The following NPIPB8 variants were observed in gnomAD, a reference collection of about 807,000 sequenced individuals.
NPIPB8 encodes nuclear pore complex-interacting protein family member B8.
Under a neutral mutation model 5.3 loss-of-function variants are expected in NPIPB8, and 3 were observed. The ratio of observed to expected loss-of-function variants is 0.57; its 90% CI spans 0.26 to 1.47. The LOEUF is 1.47. Among genes scored for constraint, NPIPB8 ranks in the 40% most tolerant of loss-of-function variants. The pLI, the probability that NPIPB8 is intolerant of heterozygous loss-of-function variation, is 0.13. For synonymous variants in NPIPB8, 18 were observed against 23.0 expected, an observed-to-expected ratio of 0.78 and a Z score of 0.62; for missense variants, 50 against 50.2, an observed-to-expected ratio of 1.00 and a Z score of 0.01.
At chr16:28,641,904 G>A (rs1180580905) in intron 2 of NPIPB8, among the ~76,000 whole-genome samples, 4 of 132,632 alleles carry the variant, frequency 3.0e-5, no homozygotes, top group African/African-American at 8.7e-5. Context: ...TGGGCTGCAC[G>A]AATAACCTCC....
chr16:28,638,072 G>A lies in NPIPB8; in HGVS notation c.-117G>A. The A allele has an allele frequency of 8.4e-6, 6 of 718,238 alleles. No individual in the cohort carries two copies. The highest frequency in any genetic ancestry group is 4.5e-4 in the Middle Eastern group (1 of 2,224). 44.5% of individuals were successfully genotyped at this position (718,238 alleles called of 1,614,324 possible). A position where few individuals can be genotyped will look rare whatever the true frequency, so the allele number is the denominator to read the frequency against. On this transcript the variant is annotated 5_prime_UTR_variant, in exon 1 of 8. Transcript: ENST00000683297. ...TTTAAATGACTTGGATGTTTTATAG[G>A]TATGATCTCATGAAACCTTGAGAGA...
intron 2 of NPIPB8, among the ~76,000 whole-genome samples, chr16:28,644,840 C>T (rs567773481): frequency 2.2e-5 from 2 of 92,402 alleles, no homozygotes; most frequent in Admixed American, 1.1e-4. Flanking sequence ...ACAAAAAATT[C>T]CAAAAAAGAT....
chr16:28,640,569 T>G (rs1283496227), intron 2 of NPIPB8, among the ~76,000 whole-genome samples: 1 of 152,060 alleles, frequency 6.6e-6, no homozygotes, highest in Non-Finnish European at 1.5e-5. Context: ...AAATACTTGG[T>G]GGACTCCATT....
chr16:28,641,828 C>T (rs940084629), intron 2 of NPIPB8, among the ~76,000 whole-genome samples: 29 of 131,262 alleles, frequency 2.2e-4, no homozygotes, highest in South Asian at 5.0e-4. Flanking sequence ...ATCTAAGGTG[C>T]CTGGCCATGC....
intron 2 of NPIPB8, among the ~76,000 whole-genome samples, chr16:28,639,603 G>GCGC: frequency 7.8e-6 from 1 of 128,594 alleles, no homozygotes; most frequent in Non-Finnish European, 1.7e-5. Flanking sequence ...CTACAGGTGT[G>GCGC]CACCATCATG....
rs931808344 is a variant in NPIPB8 at position 28,638,435 on chromosome 16, G to A, written c.75G>A (p.Gln25=). The A allele has an allele frequency of 1.9e-6, 3 of 1,573,084 alleles. No homozygotes were observed. Among genetic ancestry groups the A allele is most frequent in the Non-Finnish European group, 2.6e-6 (3 of 1,166,968 alleles). The stretch of plus-strand genomic sequence containing the variant: ...AGGGCCAGCTCACCAAGGAGCTGCA[G>A]CAGCATGTAAAGTCAGTGACATGCC... The part of the protein sequence containing the change: ...HDQGQLTKEL[Q]QHVKSVTCPC... The change falls in exon 2 of 8, where the codon CAG becomes CAA. Residue 25 remains glutamine (Q), a synonymous_variant. Coordinates refer to ENST00000683297, the MANE Select transcript of NPIPB8 (RefSeq NM_001310136.2).
intron 2 of NPIPB8, among the ~76,000 whole-genome samples, chr16:28,640,120 G>A (rs1342912266): frequency 6.6e-6 from 1 of 151,856 alleles, no homozygotes; most frequent in Admixed American, 6.6e-5. Flanking sequence ...ATAAGAGGCA[G>A]AGCTGGAACT....
chr16:28,642,421 A>G (rs1230979824), intron 2 of NPIPB8, among the ~76,000 whole-genome samples: 1 of 150,552 alleles, frequency 6.6e-6, no homozygotes, highest in Non-Finnish European at 1.5e-5. Flanking sequence ...GGGCCGGAAC[A>G]TGGCTGCAGC....
At chr16:28,640,866 T>C (rs908327665) in intron 2 of NPIPB8, among the ~76,000 whole-genome samples, 4 of 152,120 alleles carry the variant, frequency 2.6e-5, no homozygotes, top group East Asian at 3.9e-4. Flanking sequence ...CATATGATAG[T>C]TTTGAGGATG....
chr16:28,644,510 C>T (rs556559214), intron 2 of NPIPB8: 16 of 994,280 alleles, frequency 1.6e-5, no homozygotes, highest in South Asian at 1.2e-4. Context: ...GCCCATTCCC[C>T]GTCCCCTTCC....
chr16:28,638,560 T>G, intron 2 of NPIPB8, 80 bp downstream of exon 2: 1 of 1,446,114 alleles, frequency 6.9e-7, no homozygotes, highest in Non-Finnish European at 9.3e-7. Context: ...TCATAGCGGG[T>G]GATGCTGGGG....
At position 28,638,320 on chromosome 16, in the gene NPIPB8, T is replaced by C. The variant is rs374369524; in HGVS notation, c.-38-3T>C. ...CAAACTTTTTTTCTTAATTGTCTAATAGGTTGGCACTCATCATGAGCCCCT... is the reference window on the plus strand; with the variant it reads ...CAAACTTTTTTTCTTAATTGTCTAACAGGTTGGCACTCATCATGAGCCCCT... On this transcript the variant is annotated splice_region_variant and splice_polypyrimidine_tract_variant and intron_variant, in intron 1 of 7. Coordinates refer to ENST00000683297, the MANE Select transcript of NPIPB8 (RefSeq NM_001310136.2). The C allele has an allele frequency of 5.8e-5, 90 of 1,559,904 alleles. No individual in the cohort carries two copies. In the East Asian group the frequency reaches 1.4e-3, roughly 24 times the overall value.
chr16:28,644,629 G>A (rs746579059), intron 2 of NPIPB8: 15 of 1,504,250 alleles, frequency 1.0e-5, no homozygotes, highest in South Asian at 3.6e-5. Flanking sequence ...GCTCCTGCTG[G>A]GATTTATCAG....
chr16:28,651,754 G>A (rs1279835016), intron 3 of NPIPB8, among the ~76,000 whole-genome samples: 8 of 71,822 alleles, frequency 1.1e-4, no homozygotes, highest in African/African-American at 1.7e-4. Context: ...TCAGCCTCCC[G>A]AGTAGCTTGG....
chr16:28,644,675 G>T lies in NPIPB8; in HGVS notation c.121-3460G>T, dbSNP rs769727159. On this transcript the variant is annotated intron_variant, in intron 2 of 7. Transcript: ENST00000683297. ...ACCCCTGTGAGTAGACGCTGGACCC[G>T]CGGGGTTTCTTCCTTTTTACTGGGC... The T allele has an allele frequency of 1.4e-5, 19 of 1,374,240 alleles. No individual in the cohort carries two copies. In the African/African-American group the frequency reaches 1.6e-4, roughly 12 times the overall value. 85.1% of individuals were successfully genotyped at this position (1,374,240 alleles called of 1,614,324 possible). A position where few individuals can be genotyped will look rare whatever the true frequency, so the allele number is the denominator to read the frequency against.
intron 2 of NPIPB8, among the ~76,000 whole-genome samples, chr16:28,640,552 G>T (rs1204693608): frequency 6.6e-6 from 1 of 152,148 alleles, no homozygotes; most frequent in Non-Finnish European, 1.5e-5. Flanking sequence ...GCCCAGGAGA[G>T]AACCTGAAAT....
Position 28,638,322 on chromosome 16 carries a change from G to T in NPIPB8, c.-38-1G>T. 1.7e-5 allele frequency: 27 copies of T among 1,560,228 alleles called. No individual in the cohort carries two copies. Among genetic ancestry groups the T allele is most frequent in the Non-Finnish European group, 2.3e-5 (27 of 1,160,428 alleles). Reference sequence around the variant, plus strand: ...AACTTTTTTTCTTAATTGTCTAATAGGTTGGCACTCATCATGAGCCCCTGT... The same window carrying T: ...AACTTTTTTTCTTAATTGTCTAATATGTTGGCACTCATCATGAGCCCCTGT... On this transcript the variant is annotated splice_acceptor_variant, in intron 1 of 7. Coordinates refer to ENST00000683297, the MANE Select transcript of NPIPB8 (RefSeq NM_001310136.2). LOFTEE classifies it low-confidence loss of function (5UTR_SPLICE).
chr16:28,644,565 C>G lies in NPIPB8; in HGVS notation c.121-3570C>G, dbSNP rs558745325. ...ACCTCCACCTCTGTCCTGGACACCT[C>G]AGGGCGCCCTGAAAGGACCAGGACA... On this transcript the variant is annotated intron_variant, in intron 2 of 7. Coordinates refer to ENST00000683297, the MANE Select transcript of NPIPB8 (RefSeq NM_001310136.2). 1.7e-4 allele frequency: 260 copies of G among 1,519,832 alleles called. 11 individuals are homozygous for G. In the African/African-American group the frequency reaches 3.6e-3, roughly 21 times the overall value. The allele number at this position is 1,519,832 out of a possible 1,614,324, so 94.1% of individuals were successfully genotyped here.
chr16:28,642,430 G>A (rs540627967), intron 2 of NPIPB8, among the ~76,000 whole-genome samples: 32 of 151,642 alleles, frequency 2.1e-4, no homozygotes, highest in Non-Finnish European at 2.9e-5. Flanking sequence ...CATGGCTGCA[G>A]CATATAAAAA....
Sources: gnomAD v4.1 joint callset for allele counts (sites outside exome capture counted in the v4.1 genomes callset) on GRCh38, gnomAD v4.1.1 for gene constraint, MANE v1.5 for transcripts, NCBI Gene and HGNC (gene_info 2026-07-23, HGNC 2026-07-21) for gene names.